Variants in PDGFRL observed in about 807,000 individuals in gnomAD.
PDGFRL encodes the protein platelet derived growth factor receptor like.
Under a neutral mutation model 37.2 loss-of-function variants are expected in PDGFRL, and 46 were observed. The observed-to-expected ratio is 1.24, with a 90% CI of 0.98 to 1.58. PDGFRL has a LOEUF of 1.58. Among genes scored for constraint, PDGFRL ranks in the 40% most tolerant of loss-of-function variants. The probability of loss-of-function intolerance (pLI) is 0.00; values close to 1 mark genes in which losing one functional copy is unlikely to be tolerated. For synonymous variants in PDGFRL, 251 were observed against 184.3 expected (o/e 1.36, Z -2.93); for missense variants, 692 against 467.6 (o/e 1.48, Z -4.43).
chr8:17,590,922 C>G (rs1226696905), intron 2 of PDGFRL, among the ~76,000 whole-genome samples: 2 of 146,018 alleles, frequency 1.4e-5, no homozygotes, highest in African/African-American at 5.1e-5. Context: ...TCGCTCTGTC[C>G]CACAGGTTGG....
chr8:17,606,022 G>A (rs1489000263), intron 2 of PDGFRL, among the ~76,000 whole-genome samples: 3 of 152,174 alleles, frequency 2.0e-5, no homozygotes, highest in Non-Finnish European at 1.5e-5. Context: ...GGCTCATCAT[G>A]TCATCCAGCA....
Position 17,621,222 on chromosome 8 carries a change from A to G in PDGFRL, c.505+20A>G. The G allele has an allele frequency of 6.4e-7, 1 of 1,571,726 alleles. No homozygotes were observed. The highest frequency in any genetic ancestry group is 1.4e-5 in the African/African-American group (1 of 74,064). On this transcript the variant is annotated intron_variant, in intron 3 of 5. Coordinates refer to ENST00000251630, the MANE Select transcript of PDGFRL (RefSeq NM_001372073.1). The stretch of plus-strand genomic sequence containing the variant: ...TTACAGGTAAAATACTTGGTGCATT[A>G]ATGGAACTCTTCAAACTTCTGGACC...
intron 3 of PDGFRL, among the ~76,000 whole-genome samples, chr8:17,626,283 G>C (rs1010562985): frequency 6.6e-6 from 1 of 152,180 alleles, no homozygotes; most frequent in Non-Finnish European, 1.5e-5. Context: ...ATGAACATTA[G>C]GCATGACGTT....
At chr8:17,620,769 A>C (rs1804613863) in intron 2 of PDGFRL, among the ~76,000 whole-genome samples, 1 of 152,224 alleles carries the variant, frequency 6.6e-6, no homozygotes, top group Non-Finnish European at 1.5e-5. Context: ...GAAAAGCCGA[A>C]TAATCCATCA....
At chr8:17,612,399 T>C (rs1804438277) in intron 2 of PDGFRL, among the ~76,000 whole-genome samples, 1 of 152,148 alleles carries the variant, frequency 6.6e-6, no homozygotes, top group Admixed American at 6.5e-5. Flanking sequence ...TGAGACAGTG[T>C]CTCACTCTGT....
intron 5 of PDGFRL, among the ~76,000 whole-genome samples, chr8:17,640,235 C>T (rs1805063096): frequency 1.3e-5 from 2 of 152,122 alleles, no homozygotes; most frequent in Admixed American, 1.3e-4. Flanking sequence ...TCTGATGCCT[C>T]CTTGAGTAGC....
intron 2 of PDGFRL, among the ~76,000 whole-genome samples, chr8:17,603,587 G>A (rs927044356): frequency 1.4e-4 from 22 of 152,164 alleles, no homozygotes; most frequent in Admixed American, 1.0e-3. Context: ...ATCATTTGTC[G>A]AACACTCTGT....
intron 3 of PDGFRL, among the ~76,000 whole-genome samples, chr8:17,623,673 G>A (rs1804677911): frequency 1.3e-5 from 2 of 152,010 alleles, no homozygotes; most frequent in African/African-American, 4.8e-5. Flanking sequence ...TCAGGAGTTC[G>A]AGAACAGCCT....
At chr8:17,596,487 T>C (rs1272055329) in intron 2 of PDGFRL, 3 of 387,992 alleles carry the variant, frequency 7.7e-6, no homozygotes, top group African/African-American at 4.1e-5. Flanking sequence ...ATTTAGTCTT[T>C]GACTTCCTAC....
intron 2 of PDGFRL, among the ~76,000 whole-genome samples, chr8:17,591,120 G>C (rs1442263220): frequency 6.6e-6 from 1 of 152,012 alleles, no homozygotes; most frequent in African/African-American, 2.4e-5. Flanking sequence ...CTGACCTCAT[G>C]ATCCGCCTGC....
At chr8:17,627,601 C>G (rs1460952040) in intron 3 of PDGFRL, among the ~76,000 whole-genome samples, 1 of 151,708 alleles carries the variant, frequency 6.6e-6, no homozygotes, top group Non-Finnish European at 1.5e-5. Context: ...TCCCATGTAG[C>G]TGGGACTACA....
At chr8:17,612,159 T>C (rs1472076105) in intron 2 of PDGFRL, among the ~76,000 whole-genome samples, 1 of 152,216 alleles carries the variant, frequency 6.6e-6, no homozygotes, top group African/African-American at 2.4e-5. Context: ...AAAGGAATTC[T>C]TGGTGGCCCT....
rs1554556556 is a variant in PDGFRL at position 17,641,901 on chromosome 8, G to GCCCCCCCCCACCCCCCA, written c.940-710_940-709insCCCCCCCACCCCCCACC. ...TTGATGATTTTCAATAGAGGTCCCC[G>GCCCCCCCCCACCCCCCA]CCACATTGCTATTTGGTATTTTATG... On this transcript the variant is annotated intron_variant, in intron 5 of 5. Coordinates refer to ENST00000251630, the MANE Select transcript of PDGFRL (RefSeq NM_001372073.1). Among the ~76,000 whole-genome samples the GCCCCCCCCCACCCCCCA allele has an allele frequency of 8.6e-5, 10 of 116,288 alleles. No homozygotes were observed. In the South Asian group the frequency reaches 1.2e-3, roughly 13 times the overall value. 76.3% of individuals were successfully genotyped at this position (116,288 alleles called of 152,430 possible).
intron 3 of PDGFRL, among the ~76,000 whole-genome samples, chr8:17,621,816 C>A (rs1465884661): frequency 2.6e-5 from 4 of 152,104 alleles, no homozygotes; most frequent in Non-Finnish European, 4.4e-5. Flanking sequence ...AAAGACCTCC[C>A]ATTTGTCCTT....
chr8:17,624,442 T>C (rs1284669832), intron 3 of PDGFRL, among the ~76,000 whole-genome samples: 5 of 152,192 alleles, frequency 3.3e-5, no homozygotes, highest in Non-Finnish European at 7.3e-5. Context: ...GTATAACATA[T>C]GTAAAGAAAA....
chr8:17,584,469 C>G (rs1356836729), intron 1 of PDGFRL, among the ~76,000 whole-genome samples: 11 of 151,850 alleles, frequency 7.2e-5, no homozygotes, highest in Non-Finnish European at 2.9e-5. Context: ...TGTGTGAGGT[C>G]ACTTAGAGAG....
At chr8:17,580,164 T>G (rs1253815579) in intron 1 of PDGFRL, among the ~76,000 whole-genome samples, 1 of 152,170 alleles carries the variant, frequency 6.6e-6, no homozygotes, top group African/African-American at 2.4e-5. Flanking sequence ...GGGTTTATTT[T>G]GCATCTGGTG....
At chr8:17,628,806 T>C in intron 4 of PDGFRL, 26 bp downstream of exon 4, 2 of 1,550,722 alleles carry the variant, frequency 1.3e-6, no homozygotes, top group South Asian at 2.2e-5. Flanking sequence ...CCTGCCTAGA[T>C]TCTAGTTAGT....
chr8:17,620,958 A>T, intron 2 of PDGFRL, 93 bp from the exon 3 acceptor site: 1 of 785,808 alleles, frequency 1.3e-6, no homozygotes, highest in Non-Finnish European at 1.9e-6. Flanking sequence ...GATTGGGGCA[A>T]GTCTGCCCAG....
Sources: allele counts gnomAD v4.1 joint callset (sites outside exome capture counted in the v4.1 genomes callset), GRCh38; gene constraint gnomAD v4.1.1; transcripts MANE v1.5; gene names NCBI Gene and HGNC (gene_info 2026-07-23, HGNC 2026-07-21).